RRAS2: variants seen among roughly 807,000 people sequenced by gnomAD.
The protein encoded by RRAS2 is RAS related 2, also known as ras-related protein R-Ras2.
RRAS2 carries 7 observed loss-of-function variants against 27.6 expected under a neutral mutation model. The observed-to-expected ratio is 0.25, with a 90% CI of 0.14 to 0.48. The LOEUF (loss-of-function observed/expected upper bound fraction) is 0.48. RRAS2 is among the 20% of genes least tolerant of loss of function. The pLI is 0.99. For missense variants in RRAS2, 178 were observed against 256.2 expected (o/e 0.69, Z 2.08); for synonymous variants, 86 against 90.9 (o/e 0.95, Z 0.31).
intron 1 of RRAS2, among the ~76,000 whole-genome samples, chr11:14,313,505 T>C (rs1041613020): frequency 6.6e-6 from 1 of 152,244 alleles, no homozygotes; most frequent in Admixed American, 6.5e-5. Context: ...TCCTAATGCC[T>C]GGTACCTATG....
At chr11:14,325,302 CT>C (rs1432873647) in intron 1 of RRAS2, among the ~76,000 whole-genome samples, 27 of 146,984 alleles carry the variant, frequency 1.8e-4, no homozygotes, top group Non-Finnish European at 1.9e-4. Context: ...TCTTTTAATC[CT>C]TTTAGTATTT....
At chr11:14,293,652 G>C (rs1847471843) in intron 4 of RRAS2, among the ~76,000 whole-genome samples, 1 of 152,088 alleles carries the variant, frequency 6.6e-6, no homozygotes, top group Admixed American at 6.6e-5. Context: ...ACGTGTCTTT[G>C]CTCCTCCTTC....
chr11:14,310,845 C>G (rs1344978020), intron 1 of RRAS2, among the ~76,000 whole-genome samples: 1 of 152,184 alleles, frequency 6.6e-6, no homozygotes, highest in African/African-American at 2.4e-5. Context: ...ATTCAGTGTT[C>G]TAATTGTAAC....
chr11:14,336,516 A>T (rs567562135), intron 1 of RRAS2, among the ~76,000 whole-genome samples: 2 of 152,338 alleles, frequency 1.3e-5, no homozygotes, highest in Non-Finnish European at 2.9e-5. Flanking sequence ...CAGCAAAGAA[A>T]TGAAAGTCTC....
chr11:14,303,753 C>T (rs1554947700), intron 1 of RRAS2, among the ~76,000 whole-genome samples: 1 of 152,092 alleles, frequency 6.6e-6, no homozygotes, highest in Non-Finnish European at 1.5e-5. Flanking sequence ...TCTCTCTCTC[C>T]CTGCTCTGCA....
At chr11:14,328,695 G>A (rs560017037) in intron 1 of RRAS2, among the ~76,000 whole-genome samples, 176 of 149,764 alleles carry the variant, frequency 1.2e-3, no homozygotes, top group African/African-American at 4.1e-3. Flanking sequence ...CAAGAGTTTC[G>A]CTCTTGTTGC....
At chr11:14,360,611 C>G (rs538008371), upstream of RRAS2, among the ~76,000 whole-genome samples, 1 of 151,988 alleles carries the variant, frequency 6.6e-6, no homozygotes, top group Non-Finnish European at 1.5e-5. Context: ...GTTACCCAGG[C>G]TAGTCTCGAA....
chr11:14,284,414 A>G (rs553695091), intron 4 of RRAS2, among the ~76,000 whole-genome samples: 1 of 152,282 alleles, frequency 6.6e-6, no homozygotes, highest in Admixed American at 6.5e-5. Flanking sequence ...ATCCTTTTAA[A>G]TTTATTGAGG....
intron 1 of RRAS2, among the ~76,000 whole-genome samples, chr11:14,322,384 G>C (rs1335079130): frequency 2.6e-5 from 4 of 151,802 alleles, no homozygotes; most frequent in African/African-American, 9.7e-5. Context: ...AGACTGCAGT[G>C]AGCTGAGACA....
At chr11:14,291,588 C>T (rs1424662823) in intron 4 of RRAS2, among the ~76,000 whole-genome samples, 1 of 152,022 alleles carries the variant, frequency 6.6e-6, no homozygotes, top group African/African-American at 2.4e-5. Flanking sequence ...TTACTGCAAG[C>T]TAACACTACG....
chr11:14,348,821 A>G (rs1346665739), intron 1 of RRAS2, among the ~76,000 whole-genome samples: 3 of 152,208 alleles, frequency 2.0e-5, no homozygotes, highest in Non-Finnish European at 4.4e-5. Flanking sequence ...GGTATTTAGA[A>G]ACCAAGATCT....
In RRAS2 at chr11:14,295,918, A is replaced by G. The variant is rs568911991; in HGVS notation, c.109-63T>C. The G allele has an allele frequency of 6.1e-5, 90 of 1,477,534 alleles. 1 individual carries two copies. Among genetic ancestry groups the G allele is most frequent in the Non-Finnish European group, 7.6e-5 (81 of 1,069,298 alleles). The allele number at this position is 1,477,534 out of a possible 1,614,324, so 91.5% of individuals were successfully genotyped here. A position where few individuals can be genotyped will look rare whatever the true frequency, so the allele number is the denominator to read the frequency against. On this transcript the variant is annotated intron_variant, in intron 1 of 5. Transcript: ENST00000256196. ...GCCAGGCATGGTAGCTCACACCTGT[A>G]ATCCTATGCTCTGGGAGGCCGAGGG...
chr11:14,343,622 T>C (rs1848764572), intron 1 of RRAS2, among the ~76,000 whole-genome samples: 1 of 151,912 alleles, frequency 6.6e-6, no homozygotes. Flanking sequence ...GAGCTCAGCC[T>C]GAGTTTGACA....
rs72863298 is a variant in RRAS2 at position 14,322,065 on chromosome 11, G to T, written c.109-26210C>A. 7.3e-3 allele frequency among the ~76,000 whole-genome samples: 1,111 copies of T among 152,142 alleles called. 6 individuals carry two copies. The highest frequency in any genetic ancestry group is 0.011 in the Non-Finnish European group (742 of 67,986). ...CAAAACACCACCAATAAAAGTGTTTGCCCCAAAAGAGATCACAATCTAACT... is the reference window on the plus strand; with the variant it reads ...CAAAACACCACCAATAAAAGTGTTTTCCCCAAAAGAGATCACAATCTAACT... On this transcript the variant is annotated intron_variant, in intron 1 of 5. Transcript: ENST00000256196.
chr11:14,281,552 C>A, intron 5 of RRAS2, 50 bp downstream of exon 5: 1 of 1,390,148 alleles, frequency 7.2e-7, no homozygotes, highest in Non-Finnish European at 9.9e-7. Flanking sequence ...TTACTAAAAA[C>A]ATTTAATAGT....
At chr11:14,283,286 G>T (rs1251524303) in intron 4 of RRAS2, among the ~76,000 whole-genome samples, 2 of 152,070 alleles carry the variant, frequency 1.3e-5, no homozygotes, top group Non-Finnish European at 2.9e-5. Flanking sequence ...GTGATATATT[G>T]CCCTTTTTAT....
At chr11:14,312,253 C>T (rs1847987493) in intron 1 of RRAS2, among the ~76,000 whole-genome samples, 1 of 152,214 alleles carries the variant, frequency 6.6e-6, no homozygotes, top group Admixed American at 6.5e-5. Flanking sequence ...GCATAGCAAA[C>T]AGCCATTGAA....
intron 1 of RRAS2, among the ~76,000 whole-genome samples, chr11:14,303,564 C>T (rs929903784): frequency 2.6e-4 from 39 of 152,280 alleles, no homozygotes; most frequent in Non-Finnish European, 4.3e-4. Flanking sequence ...GAGAGAGACC[C>T]CCATCTCCAC....
chr11:14,323,646 T>C (rs1848279614), intron 1 of RRAS2, among the ~76,000 whole-genome samples: 2 of 151,836 alleles, frequency 1.3e-5, no homozygotes, highest in South Asian at 2.1e-4. Flanking sequence ...TTCCAGAGAA[T>C]AGAAAAGGAG....
Sources: allele counts gnomAD v4.1 joint callset (sites outside exome capture counted in the v4.1 genomes callset), GRCh38; gene constraint gnomAD v4.1.1; transcripts MANE v1.5; gene names NCBI Gene and HGNC (gene_info 2026-07-23, HGNC 2026-07-21).